Variants in C6 observed in about 807,000 individuals in gnomAD.
C6 encodes the protein complement component C6.
A neutral mutation model predicts 112.9 loss-of-function variants in C6; 101 were observed. That is an observed-to-expected ratio of 0.89 (90% CI 0.76 to 1.06). The LOEUF is 1.06. Ranked by LOEUF, C6 falls within the 50% of genes least tolerant of loss-of-function variation. The pLI, the probability that C6 is intolerant of heterozygous loss-of-function variation, is 0.00. For missense variants in C6, 1,202 were observed against 1,104.6 expected (o/e 1.09, Z -1.25); for synonymous variants, 431 against 384.1 (o/e 1.12, Z -1.43).
chr5:41,260,810 A>C (rs936796040), intron 1 of C6, among the ~76,000 whole-genome samples: 2 of 151,692 alleles, frequency 1.3e-5, no homozygotes, highest in African/African-American at 4.8e-5. Flanking sequence ...AACCAAAAAA[A>C]CCCCTGCAAC....
Position 41,176,635 on chromosome 5 carries a change from A to G in C6, c.1008T>C (p.Asp336=). Residue 336 remains aspartate, a synonymous_variant, in exon 8 of 18, where the codon GAT becomes GAC. Coordinates refer to ENST00000337836, the MANE Select transcript of C6 (RefSeq NM_000065.5). ...TTKAKDLHLS[D]VFLKALNHLP... is the part of the protein sequence containing the mutation. ...GATGGTTAAGTGCTTTCAAAAAGAC[A>G]TCAGAAAGGTGCAGATCTTTAGCTT... 1 of 1,613,932 alleles carries G rather than the reference A, an allele frequency of 6.2e-7. No homozygotes were observed.
chr5:41,171,852 A>G (rs184292689), intron 9 of C6, among the ~76,000 whole-genome samples: 37 of 152,186 alleles, frequency 2.4e-4, no homozygotes, highest in Admixed American at 1.2e-3. Flanking sequence ...CCTTTTAGAA[A>G]CTATACCTCT....
chr5:41,147,616 C>T (rs1487003041), intron 17 of C6, among the ~76,000 whole-genome samples: 1 of 152,138 alleles, frequency 6.6e-6, no homozygotes, highest in Non-Finnish European at 1.5e-5. Flanking sequence ...TGGTTTTTGT[C>T]TTTCTTTTTG....
chr5:41,206,710 G>T (rs1751464253), intron 1 of C6, among the ~76,000 whole-genome samples: 1 of 152,210 alleles, frequency 6.6e-6, no homozygotes, highest in Admixed American at 6.5e-5. Flanking sequence ...AAGCCTCCAA[G>T]AAATATGGGA....
chr5:41,210,107 G>T (rs1172250088), intron 1 of C6, among the ~76,000 whole-genome samples: 1 of 152,158 alleles, frequency 6.6e-6, no homozygotes, highest in Non-Finnish European at 1.5e-5. Context: ...ACAAAAACAA[G>T]CAATGGGGAA....
chr5:41,255,452 G>C (rs1202799114), intron 1 of C6, among the ~76,000 whole-genome samples: 3 of 152,026 alleles, frequency 2.0e-5, no homozygotes, highest in Non-Finnish European at 4.4e-5. Flanking sequence ...GGACTCTTTG[G>C]GCTGCAAGTA....
At position 41,142,711 on chromosome 5, in the gene C6, TG is replaced by T; in HGVS notation, c.*113del. ...TCTCAAACTAACAGAAAATAATTTT[TG>T]TCAGTAACTTTGAGCATGCCAGTCT... On this transcript the variant is annotated 3_prime_UTR_variant, in exon 18 of 18. Coordinates refer to ENST00000337836, the MANE Select transcript of C6 (RefSeq NM_000065.5). 1 of 827,062 alleles carries T rather than the reference TG, an allele frequency of 1.2e-6. No individual in the cohort carries two copies. The highest frequency in any genetic ancestry group is 2.1e-6 in the Non-Finnish European group (1 of 476,204). 51.2% of individuals were successfully genotyped at this position (827,062 alleles called of 1,614,324 possible).
chr5:41,160,529 AG>A lies in C6; in HGVS notation c.1459-163del, dbSNP rs1190746842. Among the ~76,000 whole-genome samples the A allele has an allele frequency of 4.6e-5, 7 of 152,314 alleles. No individual in the cohort carries two copies. The East Asian group carries it at 9.7e-4, about 21-fold the overall frequency. The stretch of plus-strand genomic sequence containing the variant: ...TGCACCTGTTGAACCAGTAGGCAAA[AG>A]CCTTCTACCTGTGGACAGGTGTGAT... On this transcript the variant is annotated intron_variant, in intron 10 of 17. Coordinates refer to ENST00000337836, the MANE Select transcript of C6 (RefSeq NM_000065.5).
chr5:41,154,860 G>C (rs1746742980), intron 14 of C6, 112 bp downstream of exon 14: 1 of 1,083,664 alleles, frequency 9.2e-7, no homozygotes, highest in African/African-American at 1.5e-5. Flanking sequence ...TTTCACCAGA[G>C]TTACTAAAAA....
chr5:41,232,538 T>C (rs1739970236), intron 1 of C6, among the ~76,000 whole-genome samples: 1 of 152,140 alleles, frequency 6.6e-6, no homozygotes, highest in African/African-American at 2.4e-5. Flanking sequence ...TACTAATAAG[T>C]ATCCTGTCAG....
chr5:41,203,177 C>T lies in C6; in HGVS notation c.54G>A (p.Lys18=), dbSNP rs1167565458. The change falls in exon 2 of 18, where the codon AAG becomes AAA. Residue 18 remains lysine, a synonymous_variant. Transcript: ENST00000337836. ...AGTGATCACAGAAGCAGGCTTGGCCCTTGTTGATCAGAGCATTCAGCAGGA... is the reference window on the plus strand; with the variant it reads ...AGTGATCACAGAAGCAGGCTTGGCCTTTGTTGATCAGAGCATTCAGCAGGA... ...YFILLNALIN[K]GQACFCDHYA... 3.1e-6 allele frequency: 5 copies of T among 1,613,914 alleles called. No individual in the cohort carries two copies. Among genetic ancestry groups the T allele is most frequent in the Non-Finnish European group, 4.2e-6 (5 of 1,179,972 alleles).
chr5:41,226,531 A>G (rs1473432250), intron 1 of C6, among the ~76,000 whole-genome samples: 2 of 152,180 alleles, frequency 1.3e-5, no homozygotes, highest in Admixed American at 6.6e-5. Context: ...TCTCCATGCT[A>G]TACAGTAGAT....
In C6 at chr5:41,206,908, C is replaced by T. The variant is rs1181280574; in HGVS notation, c.-20-3658G>A. Among the ~76,000 whole-genome samples, 3 of 152,176 alleles carry T rather than the reference C, an allele frequency of 2.0e-5. 1 individual carries two copies. In the South Asian group the frequency reaches 6.2e-4, roughly 32 times the overall value. On this transcript the variant is annotated intron_variant, in intron 1 of 17. Transcript: ENST00000337836. The stretch of plus-strand genomic sequence containing the variant: ...AAGATGCTCCTTGAGAAGAGCAACT[C>T]TAAGACACATAATTGTCAGATACAC...
intron 13 of C6, among the ~76,000 whole-genome samples, chr5:41,156,098 T>A (rs1425082537): frequency 6.6e-6 from 1 of 152,118 alleles, no homozygotes; most frequent in Non-Finnish European, 1.5e-5. Context: ...ATATTTATTT[T>A]AACTTACTTT....
At chr5:41,169,129 A>G (rs1360986346) in intron 9 of C6, among the ~76,000 whole-genome samples, 7 of 152,148 alleles carry the variant, frequency 4.6e-5, no homozygotes, top group African/African-American at 2.4e-5. Flanking sequence ...AACATTGGCA[A>G]TAGGTGCCAG....
rs764871858 is a variant in C6, at chr5:41,161,697, A to C, written c.1454T>G (p.Phe485Cys). The C allele has an allele frequency of 1.2e-6, 2 of 1,613,078 alleles. No homozygotes were observed. Among genetic ancestry groups the C allele is most frequent in the Non-Finnish European group, 1.7e-6 (2 of 1,179,312 alleles). ...TGGAATAATTTTTACTCTTACCTCA[A>C]AGTCAATCACAGCAGGATTTTCCTT... is the stretch of plus-strand genomic sequence containing the variant. The part of the protein sequence containing the change: ...SVKENPAVID[F>C]ELAPIVDLVR... Residue 485 changes from phenylalanine (F) to cysteine (C), a missense_variant, in exon 10 of 18, where the codon TTT (phenylalanine) becomes TGT (cysteine). Physicochemically the swap from Phe to Cys is radical, Grantham distance 205. Transcript: ENST00000337836.
chr5:41,222,922 C>T (rs1042370089), intron 1 of C6, among the ~76,000 whole-genome samples: 1 of 152,102 alleles, frequency 6.6e-6, no homozygotes, highest in Non-Finnish European at 1.5e-5. Context: ...ATTTAATATC[C>T]TAACTGTGTT....
chr5:41,217,425 C>G (rs1221952737), upstream of C6, among the ~76,000 whole-genome samples: 3 of 152,066 alleles, frequency 2.0e-5, no homozygotes, highest in African/African-American at 7.2e-5. Context: ...ATTGAGTTGT[C>G]TACACACAAA....
Position 41,154,080 on chromosome 5 carries a change from G to A in C6, c.2102-82C>T, listed in dbSNP as rs750894011. On this transcript the variant is annotated intron_variant, in intron 14 of 17. Coordinates refer to ENST00000337836, the MANE Select transcript of C6 (RefSeq NM_000065.5). ...AGGCAAATTTTGTGCAACCAAAGAG[G>A]TGATTTTGATGAGATTTACTGCATC... 47 of 1,223,430 alleles carry A rather than the reference G, an allele frequency of 3.8e-5. No homozygotes were observed. In the South Asian group the frequency reaches 5.0e-4, roughly 13 times the overall value. The allele number at this position is 1,223,430 out of a possible 1,614,324, so 75.8% of individuals were successfully genotyped here.
Sources: allele counts gnomAD v4.1 joint callset (sites outside exome capture counted in the v4.1 genomes callset), GRCh38; gene constraint gnomAD v4.1.1; transcripts MANE v1.5; gene names NCBI Gene and HGNC (gene_info 2026-07-23, HGNC 2026-07-21).